The following SCART1 variants were observed in gnomAD, a reference collection of about 807,000 sequenced individuals.
The protein encoded by SCART1 is scavenger receptor family member expressed on T cells 1.
A neutral mutation model predicts 36.2 loss-of-function variants in SCART1; 62 were observed. That is an observed-to-expected ratio of 1.71 (90% confidence interval 1.40 to 2.12). The LOEUF is 2.12. SCART1 is among the 30% of genes most tolerant of loss of function. SCART1 has a pLI of 0.00. For synonymous variants in SCART1, 487 were observed against 238.7 expected (o/e 2.04, Z -9.59); for missense variants, 1,041 against 540.5 (o/e 1.93, Z -9.18).
At chr10:133,461,121 T>G (rs992887939) in intron 6 of SCART1, among the ~76,000 whole-genome samples, 5 of 152,172 alleles carry the variant, frequency 3.3e-5, no homozygotes, top group African/African-American at 9.7e-5. Context: ...CTTTGTGTTC[T>G]GATCTTGTCC....
chr10:133,469,297 T>C (rs545588584), downstream of SCART1: 8 of 152,300 alleles, frequency 5.3e-5, no homozygotes, highest in South Asian at 1.5e-3. Flanking sequence ...GTCAGATGGA[T>C]AGATTGCAAA....
At chr10:133,464,783 C>A (rs1040193128) in exon 7 of SCART1, 1 of 702,316 alleles carries the variant, frequency 1.4e-6, no homozygotes, top group African/African-American at 1.7e-5. Context: ...GGAGAACAGG[C>A]CCTTCCCCTC....
intron 1 of SCART1, among the ~76,000 whole-genome samples, chr10:133,455,952 G>C (rs1185913664): frequency 2.0e-5 from 3 of 152,054 alleles, no homozygotes; most frequent in South Asian, 2.1e-4. Context: ...GACCCACCCA[G>C]CTGCAGACCC....
At chr10:133,457,789 G>T in intron 3 of SCART1, 1 of 559,410 alleles carries the variant, frequency 1.8e-6, no homozygotes, top group South Asian at 2.4e-5. Context: ...AGGTGTCCTG[G>T]CTCAGAACCC....
At chr10:133,468,011 C>A in exon 12 of SCART1, 1 of 645,572 alleles carries the variant, frequency 1.5e-6, no homozygotes, top group Non-Finnish European at 2.9e-6. Flanking sequence ...GTCGAAATCA[C>A]AGCTCTTCAT....
rs1299134080 is a variant in SCART1, at chr10:133,465,387, G to T, written c.2481G>T (p.Leu827=). The T allele has an allele frequency of 1.2e-5, 8 of 649,068 alleles. No homozygotes were observed. The African/African-American group carries it at 1.5e-4, about 12-fold the overall frequency. The allele number at this position is 649,068 out of a possible 1,614,324, so 40.2% of individuals were successfully genotyped here. A position where few individuals can be genotyped will look rare whatever the true frequency, so the allele number is the denominator to read the frequency against. ...ACGCGGAGGTCGTGTGCCGCCAGCT[G>T]GGCTGTGGTCGGGCCGTCGCCGCCC... The change falls in exon 9 of 12, where the codon CTG becomes CTT. Residue 827 remains leucine (L), a synonymous_variant. Coordinates refer to ENST00000640237, the Ensembl canonical transcript of SCART1.
chr10:133,453,985 G>A (rs1419204653), exon 1 of SCART1: 6 of 703,018 alleles, frequency 8.5e-6, no homozygotes, highest in Non-Finnish European at 1.6e-5. Flanking sequence ...GAAGCCCAGA[G>A]GGCTGTGGGA....
chr10:133,460,551 A>ATTTATTTATTTG (rs1850690484), intron 6 of SCART1, among the ~76,000 whole-genome samples: 1 of 146,772 alleles, frequency 6.8e-6, no homozygotes, highest in South Asian at 2.2e-4. Flanking sequence ...TTATTTATTT[A>ATTTATTTATTTG]TTTTGAGACG....
exon 7 of SCART1, chr10:133,464,788 C>A: frequency 4.3e-6 from 3 of 702,490 alleles, no homozygotes; most frequent in Non-Finnish European, 7.8e-6. Context: ...ACAGGCCCTT[C>A]CCCTCTGCGG....
At chr10:133,458,778 G>A (rs1850655070) in intron 4 of SCART1, 122 bp downstream of exon 4, 2 of 672,180 alleles carry the variant, frequency 3.0e-6, no homozygotes, top group Admixed American at 2.6e-5. Flanking sequence ...GCTTCTGTTG[G>A]TTGAAAGAAG....
At chr10:133,465,151 GCTC>G (rs1850748406) in exon 8 of SCART1, 1 of 702,956 alleles carries the variant, frequency 1.4e-6, no homozygotes, top group African/African-American at 1.7e-5. Context: ...CCCCTCAACT[GCTC>G]CTCCTGGCTC....
intron 6 of SCART1, chr10:133,464,264 G>A (rs1052540671): frequency 2.3e-5 from 7 of 305,028 alleles, no homozygotes; most frequent in African/African-American, 4.4e-5. Context: ...ATAGTGCTGC[G>A]GTGAACCTGG....
At chr10:133,460,329 T>G (rs1286777438) in intron 6 of SCART1, among the ~76,000 whole-genome samples, 159 bp downstream of exon 6, 2 of 151,970 alleles carry the variant, frequency 1.3e-5, no homozygotes. Flanking sequence ...GTATAGTAAG[T>G]GCTACCGGAC....
chr10:133,465,214 G>A (rs866962279), intron 8 of SCART1, 37 bp from the exon 9 acceptor site: 5 of 702,512 alleles, frequency 7.1e-6, no homozygotes, highest in African/African-American at 3.5e-5. Context: ...TTCCCATCCC[G>A]GTCCAGCCCC....
At chr10:133,465,279 C>G in exon 9 of SCART1, 2 of 686,886 alleles carry the variant, frequency 2.9e-6, no homozygotes, top group Non-Finnish European at 5.3e-6. Flanking sequence ...TGCGCGGGGG[C>G]GAGGACCGCT....
At chr10:133,465,396 T>C in exon 9 of SCART1, 1 of 627,840 alleles carries the variant, frequency 1.6e-6, no homozygotes. Context: ...TGGGCTGTGG[T>C]CGGGCCGTCG....
rs761520523 is a variant in SCART1, at chr10:133,459,019, A to G, written c.980-2A>G. Reference sequence around the variant, plus strand: ...GCCAGGCTGACTCCTCCTCTCCCCCAGAGTTCAGGATGGTCAACGGCAGCA... The same window carrying G: ...GCCAGGCTGACTCCTCCTCTCCCCCGGAGTTCAGGATGGTCAACGGCAGCA... On this transcript the variant is annotated splice_acceptor_variant, in intron 4 of 11. Transcript: ENST00000640237. LOFTEE classifies it high-confidence loss of function. 27 of 675,712 alleles carry G rather than the reference A, an allele frequency of 4.0e-5. No homozygotes were observed. Among genetic ancestry groups the G allele is most frequent in the Middle Eastern group, 4.7e-4 (2 of 4,240 alleles). 41.9% of individuals were successfully genotyped at this position (675,712 alleles called of 1,614,324 possible).
At chr10:133,460,549 T>TTATTTATTTATG (rs2133554846) in intron 6 of SCART1, among the ~76,000 whole-genome samples, 1 of 149,400 alleles carries the variant, frequency 6.7e-6, no homozygotes, top group Non-Finnish European at 1.5e-5. Context: ...ATTTATTTAT[T>TTATTTATTTATG]TATTTTGAGA....
chr10:133,467,276 AG>A lies in SCART1; in HGVS notation c.2887del (p.Glu963LysfsTer18), dbSNP rs1850773662. ...GAAATGCCGCCAGCAGGACTGTACG[AG>A]GAAATCATGGAGGCCGAGGCTGTGC... On this transcript the variant is annotated frameshift_variant, in exon 11 of 12. Coordinates refer to ENST00000640237, the Ensembl canonical transcript of SCART1. LOFTEE classifies it high-confidence loss of function. 2 of 702,938 alleles carry A rather than the reference AG, an allele frequency of 2.8e-6. No homozygotes were observed. Among genetic ancestry groups the A allele is most frequent in the Non-Finnish European group, 5.2e-6 (2 of 384,990 alleles). The allele number at this position is 702,938 out of a possible 1,614,324, so 43.5% of individuals were successfully genotyped here. A position where few individuals can be genotyped will look rare whatever the true frequency, so the allele number is the denominator to read the frequency against.
Sources: gnomAD v4.1 joint callset for allele counts (sites outside exome capture counted in the v4.1 genomes callset) on GRCh38, gnomAD v4.1.1 for gene constraint, MANE v1.5 for transcripts, NCBI Gene and HGNC (gene_info 2026-07-23, HGNC 2026-07-21) for gene names.